MGAM: variants seen among roughly 807,000 people sequenced by gnomAD.
MGAM encodes maltase-glucoamylase, also known as alpha-1,4-glucosidase.
Under a neutral mutation model 358.8 loss-of-function variants are expected in MGAM, and 253 were observed. The observed-to-expected ratio is 0.71, with a 90% CI of 0.64 to 0.78. The LOEUF is 0.78. Ranked by LOEUF, MGAM falls within the 30% of genes least tolerant of loss-of-function variation. MGAM has a pLI of 0.00. For missense variants in MGAM, 3,080 were observed against 3,432.6 expected, an observed-to-expected ratio of 0.90 and a Z score of 2.57; for synonymous variants, 1,105 against 1,227.1, an observed-to-expected ratio of 0.90 and a Z score of 2.08.
rs766516575 is a variant in MGAM, at chr7:142,052,447, G to A, written c.2958+1G>A. The A allele has an allele frequency of 1.2e-6, 2 of 1,613,114 alleles. No homozygotes were observed. Among genetic ancestry groups the A allele is most frequent in the Non-Finnish European group, 1.7e-6 (2 of 1,179,634 alleles). ...CACTGCCCGTGGCTGTATCTGGGAG[G>A]TAACCATGCTGATGGGGTTTGTGTG... On this transcript the variant is annotated splice_donor_variant, in intron 25 of 70. Transcript: ENST00000475668. LOFTEE classifies it high-confidence loss of function.
rs11972048 is a variant in MGAM, at chr7:142,025,712, G to A, written c.982+563G>A. Reference sequence around the variant, plus strand: ...GTAAGCAATGCTGTAGCCTCCACACGCACACATGAACCTTTTTCTAGTAAT... The same window carrying A: ...GTAAGCAATGCTGTAGCCTCCACACACACACATGAACCTTTTTCTAGTAAT... On this transcript the variant is annotated intron_variant, in intron 8 of 70. Coordinates refer to ENST00000475668, the MANE Select transcript of MGAM (RefSeq NM_001365693.1). Among the ~76,000 whole-genome samples, 589 of 152,218 alleles carry A rather than the reference G, an allele frequency of 3.9e-3. 3 individuals are homozygous for A. Among genetic ancestry groups the A allele is most frequent in the African/African-American group, 0.013 (555 of 41,554 alleles).
chr7:142,040,332 C>T (rs946523023), intron 20 of MGAM, 161 bp downstream of exon 20: 17 of 632,510 alleles, frequency 2.7e-5, no homozygotes, highest in Admixed American at 5.8e-5. Flanking sequence ...TAACCTAAAC[C>T]GTTAACATCA....
chr7:142,082,430 AT>A lies in MGAM; in HGVS notation c.6172-44del. On this transcript the variant is annotated intron_variant, in intron 51 of 70. Coordinates refer to ENST00000475668, the MANE Select transcript of MGAM (RefSeq NM_001365693.1). ...TTTTTGTTGAGTTTCTTTCTCAGGC[AT>A]AATGTCTTTTAAACTCCTACTGCTT... is the stretch of plus-strand genomic sequence containing the variant. The A allele has an allele frequency of 2.2e-6, 3 of 1,392,028 alleles. No homozygotes were observed. In the South Asian group the frequency reaches 3.7e-5, roughly 17 times the overall value. The allele number at this position is 1,392,028 out of a possible 1,614,324, so 86.2% of individuals were successfully genotyped here.
intron 14 of MGAM, among the ~76,000 whole-genome samples, 187 bp downstream of exon 14, chr7:142,033,096 G>T (rs1260320462): frequency 6.6e-6 from 1 of 152,140 alleles, no homozygotes; most frequent in Non-Finnish European, 1.5e-5. Flanking sequence ...CCTAAAACAT[G>T]CACAAATTCA....
intron 1 of MGAM, among the ~76,000 whole-genome samples, chr7:141,998,442 T>C (rs1804450444): frequency 6.6e-6 from 1 of 152,180 alleles, no homozygotes; most frequent in Non-Finnish European, 1.5e-5. Context: ...ATGTGTGATG[T>C]TCCCCTCCCC....
At chr7:142,101,479 A>G (rs1265461211) in intron 68 of MGAM, among the ~76,000 whole-genome samples, 5 of 151,496 alleles carry the variant, frequency 3.3e-5, no homozygotes, top group South Asian at 2.1e-4. Context: ...CTGAAGAATT[A>G]TATTTTTAAT....
chr7:142,059,665 G>A, intron 32 of MGAM, 65 bp downstream of exon 32: 1 of 1,599,692 alleles, frequency 6.3e-7, no homozygotes, highest in Non-Finnish European at 8.5e-7. Flanking sequence ...TGGAGTCAGA[G>A]TTATACTTTA....
Position 142,060,318 on chromosome 7 carries a change from C to T in MGAM, c.4067C>T (p.Pro1356Leu), listed in dbSNP as rs1464309690. 1 of 1,614,008 alleles carries T rather than the reference C, an allele frequency of 6.2e-7. No homozygotes were observed. Reference sequence around the variant, plus strand: ...ACGTATTTCTCTCCATAGGTCTGGCCTGATTTTCCTGATGTTGTTGTGAAT... The same window carrying T: ...ACGTATTTCTCTCCATAGGTCTGGCTTGATTTTCCTGATGTTGTTGTGAAT... ...DGDIVWGKVW[P>L]DFPDVVVNGS... The change falls in exon 34 of 71, where the codon CCT becomes CTT. Residue 1356 changes from proline to leucine, a missense_variant. This residue lies in a region of MGAM where 1,816 missense variants were observed against 1,840.5 expected (regional missense o/e 0.99). Coordinates refer to ENST00000475668, the MANE Select transcript of MGAM (RefSeq NM_001365693.1).
chr7:142,014,093 G>A (rs139875217), intron 3 of MGAM, among the ~76,000 whole-genome samples: 2 of 152,300 alleles, frequency 1.3e-5, no homozygotes, highest in African/African-American at 4.8e-5. Context: ...AAAATCCTTA[G>A]CACTCCAGCT....
At chr7:142,076,607 C>A (rs1298366886) in intron 46 of MGAM, 52 bp from the exon 47 acceptor site, 2 of 1,368,462 alleles carry the variant, frequency 1.5e-6, no homozygotes, top group African/African-American at 1.4e-5. Context: ...ACTTGAGAAT[C>A]TGTGTATTAC....
At chr7:142,055,971 T>C (rs1345446438) in intron 28 of MGAM, 29 bp from the exon 29 acceptor site, 2 of 1,585,502 alleles carry the variant, frequency 1.3e-6, no homozygotes, top group African/African-American at 1.3e-5. Flanking sequence ...TCTTTTAAAC[T>C]CCTACTGCTT....
intron 14 of MGAM, among the ~76,000 whole-genome samples, chr7:142,033,543 A>G (rs782596237): frequency 1.3e-5 from 2 of 152,188 alleles, no homozygotes; most frequent in African/African-American, 4.8e-5. Context: ...GAAGGCTTCA[A>G]TATGGTGGGA....
rs147362589 is a variant in MGAM at position 142,096,236 on chromosome 7, T to G, written c.7608-95T>G. 4,902 of 1,211,908 alleles carry G rather than the reference T, an allele frequency of 4.0e-3. 116 individuals are homozygous for G. In the African/African-American group the frequency reaches 0.062, roughly 15 times the overall value. The allele number at this position is 1,211,908 out of a possible 1,614,324, so 75.1% of individuals were successfully genotyped here. ...GGCAAGGATGGCTCAGGGGCAGCTG[T>G]ATTTCCGACTTGGATCTGAACTTGA... On this transcript the variant is annotated intron_variant, in intron 64 of 70. Transcript: ENST00000475668.
rs771119657 is a variant in MGAM at position 142,088,996 on chromosome 7, G to GTATGTATATATCTATCTATCTATC, written c.6810+2282_6810+2283insGTATATATCTATCTATCTATCTAT. On this transcript the variant is annotated intron_variant, in intron 57 of 70. Transcript: ENST00000475668. ...TGTATGTATGTATGTATGTATGTAT[G>GTATGTATATATCTATCTATCTATC]TATCTATCTATCTATCTATCTATCT... Among the ~76,000 whole-genome samples, 27 of 118,046 alleles carry GTATGTATATATCTATCTATCTATC rather than the reference G, an allele frequency of 2.3e-4. 1 individual carries two copies. Among genetic ancestry groups the GTATGTATATATCTATCTATCTATC allele is most frequent in the African/African-American group, 6.6e-4 (23 of 34,592 alleles). The allele number at this position is 118,046 out of a possible 152,430, so 77.4% of individuals were successfully genotyped here.
At chr7:142,041,949 C>CGT (rs1554468943) in intron 21 of MGAM, among the ~76,000 whole-genome samples, 803 of 10,802 alleles carry the variant, frequency 0.074, 24 homozygotes, top group African/African-American at 0.12. Flanking sequence ...TATATATATA[C>CGT]ATATATATAA....
chr7:142,042,674 A>AATATATAATATATATTATGTATAATATT (rs1209193492), intron 21 of MGAM, among the ~76,000 whole-genome samples: 2 of 28,528 alleles, frequency 7.0e-5, no homozygotes, highest in Non-Finnish European at 1.2e-4. Context: ...TATTATATAT[A>AATATATAATATATATTATGTATAATATT]ATATATAATA....
intron 2 of MGAM, among the ~76,000 whole-genome samples, chr7:141,988,433 G>A (rs1318492148): frequency 1.3e-5 from 2 of 151,962 alleles, no homozygotes; most frequent in African/African-American, 2.4e-5. Context: ...GGCGCAATCT[G>A]GGCTCACTGC....
intron 50 of MGAM, among the ~76,000 whole-genome samples, chr7:142,081,191 G>A (rs1237042080): frequency 2.7e-5 from 4 of 146,416 alleles, no homozygotes; most frequent in Non-Finnish European, 6.2e-5. Context: ...TCTAGATTAG[G>A]TGCTGCTCCT....
chr7:142,001,068 T>G (rs1804693580), intron 1 of MGAM, among the ~76,000 whole-genome samples: 2 of 152,206 alleles, frequency 1.3e-5, no homozygotes, highest in African/African-American at 4.8e-5. Flanking sequence ...TTAATTTAAT[T>G]ATACCAGGCA....
Sources: gnomAD v4.1 joint callset for allele counts (sites outside exome capture counted in the v4.1 genomes callset) on GRCh38, gnomAD v4.1.1 for gene constraint, gnomAD v4.1.1 regional missense constraint, MANE v1.5 for transcripts, NCBI Gene and HGNC (gene_info 2026-07-23, HGNC 2026-07-21) for gene names.